KCNT2: variants seen among roughly 807,000 people sequenced by gnomAD.
KCNT2 encodes potassium channel subfamily T member 2.
Under a neutral mutation model 153.8 loss-of-function variants are expected in KCNT2, and 67 were observed. That is an observed-to-expected ratio of 0.44 (90% CI 0.36 to 0.53). The LOEUF is 0.53. Among genes scored for constraint, KCNT2 ranks in the 20% least tolerant of loss-of-function variants. KCNT2 has a pLI of 0.00. For missense variants in KCNT2, 975 were observed against 1,354.8 expected, an observed-to-expected ratio of 0.72 and a Z score of 4.40; for synonymous variants, 500 against 458.8, an observed-to-expected ratio of 1.09 and a Z score of -1.15.
intron 13 of KCNT2, among the ~76,000 whole-genome samples, chr1:196,385,390 C>T (rs1344842604): frequency 1.3e-5 from 2 of 152,054 alleles, no homozygotes; most frequent in Admixed American, 6.6e-5. Context: ...GAAAAAGGTA[C>T]AGTGAAAAGA....
intron 8 of KCNT2, among the ~76,000 whole-genome samples, chr1:196,449,676 A>AG (rs1345773977): frequency 2.0e-5 from 3 of 151,622 alleles, no homozygotes; most frequent in Non-Finnish European, 4.4e-5. Flanking sequence ...GAAATAATTT[A>AG]GACAATGTAC....
chr1:196,381,325 T>C (rs1055490617), intron 13 of KCNT2, among the ~76,000 whole-genome samples: 1 of 152,014 alleles, frequency 6.6e-6, no homozygotes, highest in African/African-American at 2.4e-5. Context: ...TTTTGAAAAA[T>C]TATTTTCCTC....
chr1:196,228,880 A>T (rs1039313524), intron 27 of KCNT2, among the ~76,000 whole-genome samples: 2 of 152,126 alleles, frequency 1.3e-5, no homozygotes, highest in Non-Finnish European at 2.9e-5. Flanking sequence ...ACAGTTTAAC[A>T]AATGTTATAG....
At chr1:196,462,599 GA>G (rs987218879) in intron 8 of KCNT2, among the ~76,000 whole-genome samples, 16 of 145,924 alleles carry the variant, frequency 1.1e-4, no homozygotes, top group South Asian at 8.6e-4. Flanking sequence ...ATTTGAAATG[GA>G]AAAAAAAAAC....
chr1:196,542,985 A>G (rs1045556926), intron 1 of KCNT2, among the ~76,000 whole-genome samples: 13 of 152,166 alleles, frequency 8.5e-5, no homozygotes, highest in Admixed American at 3.3e-4. Context: ...CTGGTGGAAC[A>G]TTAAGGAATA....
At chr1:196,516,257 G>A (rs917846124) in intron 1 of KCNT2, among the ~76,000 whole-genome samples, 2 of 152,104 alleles carry the variant, frequency 1.3e-5, no homozygotes, top group Admixed American at 1.3e-4. Context: ...CACCATCTTT[G>A]CTGTTTTATA....
chr1:196,388,346 T>C (rs918271482), intron 13 of KCNT2, among the ~76,000 whole-genome samples: 2 of 151,772 alleles, frequency 1.3e-5, no homozygotes. Flanking sequence ...CTACGGATAT[T>C]CTGACATGAA....
intron 22 of KCNT2, among the ~76,000 whole-genome samples, chr1:196,300,708 T>G (rs1661108692): frequency 6.6e-6 from 1 of 152,182 alleles, no homozygotes; most frequent in Non-Finnish European, 1.5e-5. Context: ...TTTCTTTGAG[T>G]CTTTATTTCT....
chr1:196,578,488 A>G (rs1322438041), intron 1 of KCNT2, among the ~76,000 whole-genome samples: 20 of 152,310 alleles, frequency 1.3e-4, no homozygotes, highest in Non-Finnish European at 5.9e-5. Flanking sequence ...GCACTGGAGG[A>G]TGAAACAGAC....
At chr1:196,413,979 AGT>A (rs1429413585) in intron 12 of KCNT2, among the ~76,000 whole-genome samples, 5 of 151,696 alleles carry the variant, frequency 3.3e-5, no homozygotes, top group African/African-American at 1.2e-4. Flanking sequence ...TAACTTATTC[AGT>A]TAATTTTATA....
chr1:196,523,517 C>A (rs1039503220), intron 1 of KCNT2, among the ~76,000 whole-genome samples: 1 of 152,188 alleles, frequency 6.6e-6, no homozygotes, highest in Non-Finnish European at 1.5e-5. Flanking sequence ...TCTCCATCTC[C>A]AGTTACAATT....
chr1:196,357,221 C>T lies in KCNT2; in HGVS notation c.1404-14993G>A, dbSNP rs1001763788. On this transcript the variant is annotated intron_variant, in intron 14 of 27. Coordinates refer to ENST00000294725, the MANE Select transcript of KCNT2 (RefSeq NM_198503.5). ...TGTGAGCAGTGATTACATTATTATG[C>T]GGATTGCAATAGAGTTCATTGAGAG... is the stretch of plus-strand genomic sequence containing the variant. Among the ~76,000 whole-genome samples the T allele has an allele frequency of 2.0e-5, 3 of 151,786 alleles. 1 individual carries two copies. The highest frequency in any genetic ancestry group is 7.2e-5 in the African/African-American group (3 of 41,382).
At chr1:196,426,173 TG>T (rs1158313148) in intron 10 of KCNT2, among the ~76,000 whole-genome samples, 185 bp from the exon 11 acceptor site, 1 of 152,018 alleles carries the variant, frequency 6.6e-6, no homozygotes, top group African/African-American at 2.4e-5. Flanking sequence ...TAAATACAAC[TG>T]GGACATACAC....
At chr1:196,476,624 A>G (rs1038165863) in intron 5 of KCNT2, among the ~76,000 whole-genome samples, 4 of 152,072 alleles carry the variant, frequency 2.6e-5, no homozygotes, top group Admixed American at 6.6e-5. Context: ...TTGATCCACG[A>G]CTTTCCACCT....
chr1:196,370,396 G>A (rs1033418009), intron 14 of KCNT2, among the ~76,000 whole-genome samples: 3 of 152,030 alleles, frequency 2.0e-5, no homozygotes, highest in African/African-American at 7.2e-5. Flanking sequence ...ATGACTGACA[G>A]ATCAGCTAGA....
intron 1 of KCNT2, among the ~76,000 whole-genome samples, chr1:196,515,007 C>T (rs1681935294): frequency 6.6e-6 from 1 of 152,118 alleles, no homozygotes; most frequent in South Asian, 2.1e-4. Flanking sequence ...AGACATTCAG[C>T]CTCTTGACAT....
At chr1:196,314,333 C>T (rs931307586) in intron 21 of KCNT2, among the ~76,000 whole-genome samples, 2 of 151,366 alleles carry the variant, frequency 1.3e-5, no homozygotes, top group African/African-American at 4.8e-5. Flanking sequence ...TACTCACTAG[C>T]TATAAATCTC....
At chr1:196,314,746 A>T (rs939328722) in intron 21 of KCNT2, among the ~76,000 whole-genome samples, 1 of 151,724 alleles carries the variant, frequency 6.6e-6, no homozygotes, top group Non-Finnish European at 1.5e-5. Flanking sequence ...AGCCTCTAGG[A>T]TATACATTGT....
intron 13 of KCNT2, 42 bp from the exon 14 acceptor site, chr1:196,373,290 G>T (rs768014215): frequency 2.3e-6 from 2 of 852,888 alleles, no homozygotes; most frequent in African/African-American, 1.7e-5. Context: ...ATTTACCTTT[G>T]GAGAGTAATA....
Sources: allele counts gnomAD v4.1 joint callset (sites outside exome capture counted in the v4.1 genomes callset), GRCh38; gene constraint gnomAD v4.1.1; transcripts MANE v1.5; gene names NCBI Gene and HGNC (gene_info 2026-07-23, HGNC 2026-07-21).